Variants in RAB38 observed in about 807,000 individuals in gnomAD.
RAB38 encodes the protein RAB38, member RAS oncogene family.
RAB38 carries 15 observed loss-of-function variants against 18.4 expected under a neutral mutation model. The observed-to-expected ratio is 0.82, with a 90% CI of 0.55 to 1.26. RAB38 has a LOEUF of 1.26. Ranked by LOEUF, RAB38 falls within the 50% of genes most tolerant of loss-of-function variation. RAB38 has a pLI of 0.00. For missense variants in RAB38, 294 were observed against 267.4 expected, an observed-to-expected ratio of 1.10 and a Z score of -0.69; for synonymous variants, 101 against 104.4, an observed-to-expected ratio of 0.97 and a Z score of 0.20.
chr11:88,168,527 GC>G (rs1038437479), intron 1 of RAB38, among the ~76,000 whole-genome samples: 1 of 151,924 alleles, frequency 6.6e-6, no homozygotes, highest in Non-Finnish European at 1.5e-5. Context: ...ATATCTTTAT[GC>G]CACACCAGAC....
chr11:87,951,444 C>T, the RAB38 span, among the ~76,000 whole-genome samples: 41 of 152,250 alleles, frequency 2.7e-4, no homozygotes, highest in East Asian at 4.8e-3. Context: ...TGAGGAGCTG[C>T]GTTCCTTTGG....
the RAB38 span, among the ~76,000 whole-genome samples, chr11:87,867,918 C>G: frequency 6.6e-6 from 1 of 151,648 alleles, no homozygotes; most frequent in Non-Finnish European, 1.5e-5. Flanking sequence ...TCACCTGGCC[C>G]TAATCTGAGT....
At chr11:87,882,498 C>T in the RAB38 span, among the ~76,000 whole-genome samples, 1 of 151,808 alleles carries the variant, frequency 6.6e-6, no homozygotes, top group Non-Finnish European at 1.5e-5. Context: ...GAGAACCACT[C>T]TAGTAGGTAA....
chr11:88,016,005 A>C, the RAB38 span, among the ~76,000 whole-genome samples: 1 of 152,266 alleles, frequency 6.6e-6, no homozygotes, highest in African/African-American at 2.4e-5. Flanking sequence ...TCTTCAGCTA[A>C]TATTTCGGCA....
At chr11:87,893,390 A>ATATTTTTT in the RAB38 span, among the ~76,000 whole-genome samples, 3 of 93,916 alleles carry the variant, frequency 3.2e-5, no homozygotes, top group Non-Finnish European at 6.2e-5. Flanking sequence ...ATATATATAT[A>ATATTTTTT]TTTTTTTTTT....
the RAB38 span, among the ~76,000 whole-genome samples, chr11:88,057,737 T>G: frequency 0.015 from 2,238 of 152,300 alleles, 25 homozygotes; most frequent in Middle Eastern, 0.044. Flanking sequence ...GTGTGTTTCC[T>G]CCATTAAGCT....
chr11:88,145,328 T>A (rs1024520319), intron 2 of RAB38, among the ~76,000 whole-genome samples: 1 of 152,076 alleles, frequency 6.6e-6, no homozygotes, highest in African/African-American at 2.4e-5. Flanking sequence ...TTTGTATTTT[T>A]AGTAGAGACG....
chr11:88,033,147 T>C, the RAB38 span, among the ~76,000 whole-genome samples: 2 of 151,882 alleles, frequency 1.3e-5, no homozygotes, highest in Admixed American at 6.6e-5. Context: ...AAACACCGCA[T>C]ATTCTCACTC....
the RAB38 span, among the ~76,000 whole-genome samples, chr11:87,888,619 T>C: frequency 2.8e-4 from 43 of 152,010 alleles, no homozygotes; most frequent in Non-Finnish European, 5.3e-4. Flanking sequence ...CAGCTGCTCT[T>C]CTGGTAAACG....
At chr11:88,043,896 C>A in the RAB38 span, among the ~76,000 whole-genome samples, 3 of 152,194 alleles carry the variant, frequency 2.0e-5, no homozygotes, top group Non-Finnish European at 4.4e-5. Context: ...CCACCTATGA[C>A]CTCTGGTCCT....
At chr11:87,843,071 C>T in the RAB38 span, among the ~76,000 whole-genome samples, 2 of 152,158 alleles carry the variant, frequency 1.3e-5, no homozygotes, top group Admixed American at 6.5e-5. Flanking sequence ...ATTTTCTCAG[C>T]TCCCAGACTC....
chr11:87,845,471 C>T, the RAB38 span, among the ~76,000 whole-genome samples: 1 of 151,936 alleles, frequency 6.6e-6, no homozygotes, highest in Admixed American at 6.6e-5. Flanking sequence ...ACTGGATAGA[C>T]TCAAAAGCAA....
At chr11:87,974,477 C>T in the RAB38 span, among the ~76,000 whole-genome samples, 1 of 151,700 alleles carries the variant, frequency 6.6e-6, no homozygotes, top group East Asian at 1.9e-4. Flanking sequence ...ACAAAAACCT[C>T]AGTGACTTGT....
the RAB38 span, among the ~76,000 whole-genome samples, chr11:87,939,624 G>A: frequency 1.3e-5 from 2 of 152,054 alleles, no homozygotes; most frequent in South Asian, 2.1e-4. Flanking sequence ...TTGGGAGGCC[G>A]AGGAGCTAAG....
the RAB38 span, among the ~76,000 whole-genome samples, chr11:88,019,373 A>G: frequency 3.9e-5 from 6 of 152,066 alleles, no homozygotes; most frequent in African/African-American, 1.4e-4. Flanking sequence ...TCTGTGAAAT[A>G]CACCCAGAGT....
At chr11:88,014,087 A>G in the RAB38 span, among the ~76,000 whole-genome samples, 1 of 152,176 alleles carries the variant, frequency 6.6e-6, no homozygotes. Flanking sequence ...CTTGCTCTCC[A>G]GTATCAAATA....
the RAB38 span, among the ~76,000 whole-genome samples, chr11:88,017,658 G>T: frequency 6.8e-6 from 1 of 147,582 alleles, no homozygotes; most frequent in Non-Finnish European, 1.5e-5. Flanking sequence ...GACAATTTCA[G>T]CTCTGTCTCT....
At chr11:88,014,566 G>A in the RAB38 span, among the ~76,000 whole-genome samples, 1 of 152,130 alleles carries the variant, frequency 6.6e-6, no homozygotes, top group Admixed American at 6.5e-5. Context: ...TGTTACAACA[G>A]CCACAATCTG....
At chr11:87,942,713 G>C in the RAB38 span, among the ~76,000 whole-genome samples, 1 of 152,154 alleles carries the variant, frequency 6.6e-6, no homozygotes, top group African/African-American at 2.4e-5. Flanking sequence ...AGACCTGGCT[G>C]AAAGTCTAAA....
Sources: allele counts gnomAD v4.1 joint callset (sites outside exome capture counted in the v4.1 genomes callset), GRCh38; gene constraint gnomAD v4.1.1; transcripts MANE v1.5; gene names NCBI Gene and HGNC (gene_info 2026-07-23, HGNC 2026-07-21).